Variants in LINGO2 observed in about 807,000 individuals in gnomAD.
The protein encoded by LINGO2 is leucine-rich repeat and immunoglobulin-like domain-containing nogo receptor-interacting protein 2.
A neutral mutation model predicts 30.6 loss-of-function variants in LINGO2; 14 were observed. The ratio of observed to expected loss-of-function variants is 0.46; its 90% CI spans 0.30 to 0.72. The LOEUF (loss-of-function observed/expected upper bound fraction) is 0.72. Ranked by LOEUF, LINGO2 falls within the 30% of genes least tolerant of loss-of-function variation. LINGO2 has a pLI of 0.07. For synonymous variants in LINGO2, 317 were observed against 288.5 expected, an observed-to-expected ratio of 1.10 and a Z score of -1.00; for missense variants, 729 against 751.7, an observed-to-expected ratio of 0.97 and a Z score of 0.35.
intron 3 of LINGO2, among the ~76,000 whole-genome samples, chr9:28,343,697 T>A (rs929969924): frequency 2.6e-5 from 4 of 152,114 alleles, no homozygotes; most frequent in Admixed American, 2.6e-4. Context: ...CTTGAGACCT[T>A]AGACAAGAAA....
At chr9:28,451,597 A>G (rs1203757144) in intron 2 of LINGO2, among the ~76,000 whole-genome samples, 1 of 151,762 alleles carries the variant, frequency 6.6e-6, no homozygotes, top group African/African-American at 2.4e-5. Flanking sequence ...GTATTTTTAA[A>G]CCAATTATTC....
chr9:28,459,381 AT>A (rs1306892551), intron 2 of LINGO2, among the ~76,000 whole-genome samples: 1 of 152,060 alleles, frequency 6.6e-6, no homozygotes, highest in African/African-American at 2.4e-5. Context: ...GGCTAAAGAG[AT>A]TTGGTAACAA....
intron 4 of LINGO2, among the ~76,000 whole-genome samples, chr9:28,219,310 T>C (rs1003303312): frequency 1.3e-5 from 2 of 152,194 alleles, no homozygotes; most frequent in Non-Finnish European, 2.9e-5. Flanking sequence ...TCTGCATACT[T>C]GCTCTTTCTT....
At chr9:29,132,637 A>G in the LINGO2 span, among the ~76,000 whole-genome samples, 2 of 152,162 alleles carry the variant, frequency 1.3e-5, no homozygotes, top group Non-Finnish European at 2.9e-5. Context: ...ATTCATTTCA[A>G]TAAATCTGTG....
the LINGO2 span, among the ~76,000 whole-genome samples, chr9:29,122,540 AAT>A: frequency 2.6e-5 from 4 of 152,152 alleles, no homozygotes. Context: ...CTTTTCATCA[AAT>A]ATGTTTTTCT....
the LINGO2 span, among the ~76,000 whole-genome samples, chr9:28,866,221 T>C: frequency 6.6e-6 from 1 of 152,156 alleles, no homozygotes; most frequent in Non-Finnish European, 1.5e-5. Context: ...GAAAACACCA[T>C]TTTTTCAAAC....
chr9:28,419,104 A>AT (rs576654244), intron 2 of LINGO2, among the ~76,000 whole-genome samples: 1 of 151,748 alleles, frequency 6.6e-6, no homozygotes, highest in South Asian at 2.1e-4. Flanking sequence ...TATGTCATAT[A>AT]TTTTTTTCTC....
intron 1 of LINGO2, among the ~76,000 whole-genome samples, chr9:28,660,007 G>A (rs1241908706): frequency 6.6e-6 from 1 of 152,094 alleles, no homozygotes; most frequent in Non-Finnish European, 1.5e-5. Context: ...ATAGAAAAAG[G>A]AATAATGAGC....
At chr9:28,180,546 A>G (rs998048309) in intron 4 of LINGO2, among the ~76,000 whole-genome samples, 4 of 152,112 alleles carry the variant, frequency 2.6e-5, no homozygotes, top group Admixed American at 1.3e-4. Context: ...GTCTTGCTTC[A>G]TTCTCAGTCC....
At chr9:28,548,205 T>G (rs1275479412) in intron 1 of LINGO2, among the ~76,000 whole-genome samples, 2 of 152,066 alleles carry the variant, frequency 1.3e-5, no homozygotes, top group Non-Finnish European at 2.9e-5. Flanking sequence ...TAAAGTTAGG[T>G]GTCCATTCTT....
At chr9:28,597,441 T>TG (rs1192968447) in intron 1 of LINGO2, among the ~76,000 whole-genome samples, 2 of 152,238 alleles carry the variant, frequency 1.3e-5, no homozygotes, top group South Asian at 4.1e-4. Context: ...ATTGGACATG[T>TG]GGGGGTCTCT....
chr9:28,055,508 A>G (rs1419391475), intron 4 of LINGO2, among the ~76,000 whole-genome samples: 17 of 152,190 alleles, frequency 1.1e-4, no homozygotes, highest in Admixed American at 1.1e-3. Context: ...TTTTAGGAAA[A>G]TGTAAGGTAC....
At chr9:29,169,380 A>AT in the LINGO2 span, among the ~76,000 whole-genome samples, 1 of 152,224 alleles carries the variant, frequency 6.6e-6, no homozygotes, top group Non-Finnish European at 1.5e-5. Context: ...CTGTCAATAC[A>AT]TCTGACAAAA....
intron 4 of LINGO2, among the ~76,000 whole-genome samples, chr9:28,146,441 T>C (rs951569883): frequency 4.6e-5 from 7 of 152,206 alleles, no homozygotes; most frequent in Non-Finnish European, 7.3e-5. Flanking sequence ...ATATTGATTG[T>C]GGTTTGGTAA....
intron 4 of LINGO2, among the ~76,000 whole-genome samples, chr9:28,028,017 C>T (rs1175150627): frequency 6.6e-6 from 1 of 152,100 alleles, no homozygotes; most frequent in Non-Finnish European, 1.5e-5. Context: ...CTTGACCACT[C>T]ACTTATTTGT....
At chr9:28,806,749 C>T in the LINGO2 span, among the ~76,000 whole-genome samples, 4 of 152,022 alleles carry the variant, frequency 2.6e-5, no homozygotes, top group African/African-American at 9.7e-5. Context: ...TCTTATACTC[C>T]TTAAACTAGT....
At chr9:28,920,831 CACACTTAA>C in the LINGO2 span, among the ~76,000 whole-genome samples, 2 of 152,118 alleles carry the variant, frequency 1.3e-5, no homozygotes, top group African/African-American at 4.8e-5. Flanking sequence ...CCCCTGGCCA[CACACTTAA>C]AATTTGTTAG....
intron 3 of LINGO2, among the ~76,000 whole-genome samples, chr9:28,321,124 A>C (rs1027571468): frequency 8.5e-5 from 13 of 152,164 alleles, no homozygotes; most frequent in African/African-American, 1.4e-4. Flanking sequence ...ATTGAAATTA[A>C]AACACTCACT....
At chr9:28,785,584 C>G in the LINGO2 span, among the ~76,000 whole-genome samples, 2 of 152,100 alleles carry the variant, frequency 1.3e-5, no homozygotes, top group African/African-American at 2.4e-5. Flanking sequence ...GCAGCCCTAG[C>G]AACACTGTCT....
Sources: allele counts gnomAD v4.1 joint callset (sites outside exome capture counted in the v4.1 genomes callset), GRCh38; gene constraint gnomAD v4.1.1; transcripts MANE v1.5; gene names NCBI Gene and HGNC (gene_info 2026-07-23, HGNC 2026-07-21).